AGAP3: variants seen among roughly 807,000 people sequenced by gnomAD.
AGAP3 encodes the protein arf-GAP with GTPase, ANK repeat and PH domain-containing protein 3.
AGAP3 carries 24 observed loss-of-function variants against 96.9 expected under a neutral mutation model. The observed-to-expected ratio is 0.25, with a 90% CI of 0.18 to 0.35. The LOEUF is 0.35. Ranked by LOEUF, AGAP3 falls within the 10% of genes least tolerant of loss-of-function variation. The pLI, the probability that AGAP3 is intolerant of heterozygous loss-of-function variation, is 1.00. For missense variants in AGAP3, 876 were observed against 1,254.2 expected (o/e 0.70, Z 4.55); for synonymous variants, 563 against 536.1 (o/e 1.05, Z -0.69).
At chr7:151,113,837 CCA>C (rs1799408139) in intron 1 of AGAP3, among the ~76,000 whole-genome samples, 1 of 152,152 alleles carries the variant, frequency 6.6e-6, no homozygotes. Context: ...TCCAGGCAGC[CCA>C]CAGTCATGAA....
At chr7:151,095,283 G>A (rs1563423864) in intron 1 of AGAP3, among the ~76,000 whole-genome samples, 1 of 152,208 alleles carries the variant, frequency 6.6e-6, no homozygotes, top group Non-Finnish European at 1.5e-5. Context: ...CCTGAGCTGA[G>A]CAGACAGTGC....
chr7:151,143,858 G>T lies in AGAP3; in HGVS notation c.2651G>T (p.Cys884Phe), dbSNP rs768423651. ...CAGCATGGCTGCCCTGGGGAGGGCT[G>T]TGGCTTAGCGCCTACCCCCAACAGA... The part of the protein sequence containing the change: ...LIQHGCPGEG[C>F]GLAPTPNREP... The change falls in exon 18 of 18, where the codon TGT becomes TTT. Residue 884 changes from cysteine (C) to phenylalanine (F), a missense_variant. Cys to Phe is a radical substitution (Grantham distance 205). Coordinates refer to ENST00000397238, the MANE Select transcript of AGAP3 (RefSeq NM_031946.7). The surrounding 1 kb of genome is among the most constrained non-coding windows in gnomAD (Gnocchi z 5.9). The T allele has an allele frequency of 8.1e-6, 13 of 1,613,878 alleles. No homozygotes were observed. The highest frequency in any genetic ancestry group is 1.1e-5 in the Non-Finnish European group (13 of 1,180,040).
At chr7:151,106,133 C>T (rs1440807631) in intron 1 of AGAP3, among the ~76,000 whole-genome samples, 1 of 152,068 alleles carries the variant, frequency 6.6e-6, no homozygotes, top group African/African-American at 2.4e-5. Flanking sequence ...GTACTCTGAG[C>T]ATTGTGTTGC....
At chr7:151,117,830 A>G in intron 5 of AGAP3, 53 bp downstream of exon 5, 1 of 1,561,290 alleles carries the variant, frequency 6.4e-7, no homozygotes, top group South Asian at 1.2e-5. Flanking sequence ...CCGGGCAACG[A>G]TGCATGGGGG....
chr7:151,124,004 C>CACCCTCCT, intron 9 of AGAP3, 118 bp downstream of exon 9: 1 of 1,043,548 alleles, frequency 9.6e-7, no homozygotes, highest in Non-Finnish European at 1.4e-6. Context: ...AGGCCAGCAC[C>CACCCTCCT]ACCCTCCTAG....
At position 151,114,289 on chromosome 7, in the gene AGAP3, C is replaced by T. The variant is rs1243546739; in HGVS notation, c.332-2504C>T. Among the ~76,000 whole-genome samples the T allele has an allele frequency of 6.6e-6, 1 of 152,252 alleles. No homozygotes were observed. The highest frequency in any genetic ancestry group is 1.5e-5 in the Non-Finnish European group (1 of 68,042). ...GGCTGCCTCTGACGTCTCACTCAGG[C>T]TTGTCATACTTCTGGGCCTCATGTT... On this transcript the variant is annotated intron_variant, in intron 1 of 17. Coordinates refer to ENST00000397238, the MANE Select transcript of AGAP3 (RefSeq NM_031946.7). The surrounding 1 kb of genome is among the most constrained non-coding windows in gnomAD (Gnocchi z 4.4).
rs893673008 is a variant in AGAP3 at position 151,138,441 on chromosome 7, G to A, written c.1666+128G>A. Reference sequence around the variant, plus strand: ...TGTCCAGGCCAAGGGGTGGGGCCCAGCTGGGCCCTCCTGGGCTTGTCAGAG... The same window carrying A: ...TGTCCAGGCCAAGGGGTGGGGCCCAACTGGGCCCTCCTGGGCTTGTCAGAG... On this transcript the variant is annotated intron_variant, in intron 12 of 17. Coordinates refer to ENST00000397238, the MANE Select transcript of AGAP3 (RefSeq NM_031946.7). 5 of 1,130,840 alleles carry A rather than the reference G, an allele frequency of 4.4e-6. No homozygotes were observed. The African/African-American group carries it at 6.3e-5, about 14-fold the overall frequency. The allele number at this position is 1,130,840 out of a possible 1,614,324, so 70.1% of individuals were successfully genotyped here.
chr7:151,115,583 C>T (rs1380224838), intron 1 of AGAP3: 1 of 1,157,692 alleles, frequency 8.6e-7, no homozygotes, highest in Admixed American at 4.8e-5. Flanking sequence ...CCGCGCCCGC[C>T]GCGCCGCTGT....
Position 151,143,678 on chromosome 7 carries a change from A to G in AGAP3, c.2530-59A>G. Reference sequence around the variant, plus strand: ...AAAGCAACCTCTTCTTTCCTCCCCTACAACCAATCTCTCTCCTCCCATGTC... The same window carrying G: ...AAAGCAACCTCTTCTTTCCTCCCCTGCAACCAATCTCTCTCCTCCCATGTC... On this transcript the variant is annotated intron_variant, in intron 17 of 17. Coordinates refer to ENST00000397238, the MANE Select transcript of AGAP3 (RefSeq NM_031946.7). The surrounding 1 kb of genome is among the most constrained non-coding windows in gnomAD (Gnocchi z 5.9). 1 of 1,610,360 alleles carries G rather than the reference A, an allele frequency of 6.2e-7. No individual in the cohort carries two copies. The highest frequency in any genetic ancestry group is 1.7e-5 in the Admixed American group (1 of 59,880).
At chr7:151,115,336 G>C (rs990804377) in intron 1 of AGAP3, 13 of 1,017,114 alleles carry the variant, frequency 1.3e-5, no homozygotes, top group Non-Finnish European at 1.4e-5. Flanking sequence ...CTCAGGAAGA[G>C]CTTCAGCTTC....
At chr7:151,130,348 G>T (rs1474912333) in intron 10 of AGAP3, among the ~76,000 whole-genome samples, 1 of 152,164 alleles carries the variant, frequency 6.6e-6, no homozygotes, top group Non-Finnish European at 1.5e-5. Context: ...ACAGCCAGCT[G>T]GAGAGCAGAG....
intron 8 of AGAP3, chr7:151,123,154 T>C: frequency 9.2e-7 from 1 of 1,090,840 alleles, no homozygotes; most frequent in South Asian, 3.0e-5. Flanking sequence ...CTCTGCTCCT[T>C]CCTGCATGGA....
intron 8 of AGAP3, chr7:151,122,888 G>A (rs1585086790): frequency 1.3e-6 from 2 of 1,542,790 alleles, no homozygotes; most frequent in East Asian, 4.7e-5. Flanking sequence ...AGCGGCCGCC[G>A]AGCTCCCCAC....
chr7:151,143,758 C>A lies in AGAP3; in HGVS notation c.2551C>A (p.Arg851=), dbSNP rs1358568612. Residue 851 remains arginine (R), a synonymous_variant, in exon 18 of 18, where the codon CGG becomes AGG. Transcript: ENST00000397238. This position sits in a 1 kb window ranked among gnomAD's most constrained non-coding sequence, Gnocchi z 5.9. ...LIWYGVDVRS[R]DARGLTPLAY... ...ACAGTACGGGGTGGACGTGAGGAGC[C>A]GGGACGCCCGGGGCCTGACTCCACT... 1.2e-6 allele frequency: 2 copies of A among 1,614,026 alleles called. No homozygotes were observed. The highest frequency in any genetic ancestry group is 1.7e-6 in the Non-Finnish European group (2 of 1,180,038).
chr7:151,120,003 G>T lies in AGAP3; in HGVS notation c.986G>T (p.Gly329Val). ...VHINQATNGG[G>V]SAFSDYSSSV... ...TGTCCTTAGGCCACGAATGGCGGCGGCAGCGCCTTCAGCGACTACTCGTCC... is the reference window on the plus strand; with the variant it reads ...TGTCCTTAGGCCACGAATGGCGGCGTCAGCGCCTTCAGCGACTACTCGTCC... Residue 329 changes from glycine (G) to valine (V), a missense_variant, in exon 8 of 18, where the codon GGC (glycine) becomes GTC (valine). Physicochemically the swap from Gly to Val is moderately radical, Grantham distance 109. Transcript: ENST00000397238. The T allele has an allele frequency of 6.2e-7, 1 of 1,613,230 alleles. No homozygotes were observed. Among genetic ancestry groups the T allele is most frequent in the South Asian group, 1.1e-5 (1 of 91,088 alleles).
chr7:151,128,171 TG>T (rs1377955756), intron 9 of AGAP3, among the ~76,000 whole-genome samples: 4 of 152,090 alleles, frequency 2.6e-5, no homozygotes, highest in Non-Finnish European at 5.9e-5. Flanking sequence ...TGGAGCCTCC[TG>T]GGGAGGAGCA....
Position 151,116,788 on chromosome 7 carries a change from C to T in AGAP3, c.332-5C>T, listed in dbSNP as rs371042682. On this transcript the variant is annotated splice_polypyrimidine_tract_variant and splice_region_variant and intron_variant, in intron 1 of 17. Transcript: ENST00000397238. ...GCCCTGACGGGGCGGCTCTGTCTTC[C>T]GCAGACTCGTTTGTGAACAGCCAGG... 2.3e-5 allele frequency: 37 copies of T among 1,613,942 alleles called. No homozygotes were observed. The highest frequency in any genetic ancestry group is 6.7e-5 in the Admixed American group (4 of 60,000).
intron 8 of AGAP3, chr7:151,123,560 T>C: frequency 7.5e-7 from 1 of 1,341,950 alleles, no homozygotes; most frequent in Non-Finnish European, 9.6e-7. Flanking sequence ...CCTTGCTCTT[T>C]TGTAAGGGGC....
rs1021252446 is a variant in AGAP3, at chr7:151,086,513, A to G, written c.-229A>G. Among the ~76,000 whole-genome samples the G allele has an allele frequency of 2.3e-4, 34 of 147,806 alleles. No homozygotes were observed. Among genetic ancestry groups the G allele is most frequent in the African/African-American group, 7.8e-4 (32 of 41,124 alleles). ...GAGGCTGCTCCGAGGCAGCGGGATC[A>G]CGGCGCTGGGAAGCGCTCGGCAGCG... is the stretch of plus-strand genomic sequence containing the variant. On this transcript the variant is annotated 5_prime_UTR_variant, in exon 1 of 18. Coordinates refer to ENST00000397238, the MANE Select transcript of AGAP3 (RefSeq NM_031946.7).
Sources: allele counts gnomAD v4.1 joint callset (sites outside exome capture counted in the v4.1 genomes callset), GRCh38; gene constraint gnomAD v4.1.1; non-coding constraint Gnocchi (gnomAD v3.1); transcripts MANE v1.5; gene names NCBI Gene and HGNC (gene_info 2026-07-23, HGNC 2026-07-21).